Variants in OR2L5 observed in about 807,000 individuals in gnomAD.
The protein encoded by OR2L5 is olfactory receptor 2L5.
For synonymous variants in OR2L5, 169 were observed against 142.0 expected (o/e 1.19, Z -1.35); for missense variants, 413 against 381.6 (o/e 1.08, Z -0.69).
chr1:248,023,717 A>G lies in OR2L5; in HGVS notation c.*831A>G, dbSNP rs1165122915. The G allele has an allele frequency of 6.6e-6, 1 of 152,186 alleles. No individual in the cohort carries two copies. The highest frequency in any genetic ancestry group is 1.5e-5 in the Non-Finnish European group (1 of 68,036). The allele number at this position is 152,186 out of a possible 1,614,324, so 9.4% of individuals were successfully genotyped here. ...GCCTAGAAGGATCAACATTATTTTT[A>G]TAAAAGTTGTCAGCTTAGGTCCATT... is the stretch of plus-strand genomic sequence containing the variant. On this transcript the variant is annotated 3_prime_UTR_variant, in exon 2 of 2. Transcript: ENST00000355281.
At chr1:248,018,658 A>C (rs1302688622) in intron 1 of OR2L5, among the ~76,000 whole-genome samples, 1 of 152,202 alleles carries the variant, frequency 6.6e-6, no homozygotes, top group Admixed American at 6.5e-5. Context: ...TACTTAAGAT[A>C]AACTGCACCA....
In OR2L5 at chr1:248,022,523, G is replaced by A; in HGVS notation, c.576G>A (p.Trp192Ter). Reference sequence around the variant, plus strand: ...TGACATTAGCCTGTACAGACACCTGGGTCTATGAGTACACAGTGTTTTTGA... The same window carrying A: ...TGACATTAGCCTGTACAGACACCTGAGTCTATGAGTACACAGTGTTTTTGA... ...AMLTLACTDT[W>*]VYEYTVFLSS... Residue 192 changes from tryptophan (W) to a stop codon, truncating the protein, a stop_gained, in exon 2 of 2, where the codon TGG becomes TGA. Transcript: ENST00000355281. LOFTEE classifies it low-confidence loss of function (END_TRUNC). The A allele has an allele frequency of 5.0e-6, 8 of 1,614,044 alleles. No individual in the cohort carries two copies. The highest frequency in any genetic ancestry group is 6.8e-6 in the Non-Finnish European group (8 of 1,179,998).
intron 1 of OR2L5, among the ~76,000 whole-genome samples, chr1:248,019,543 C>T (rs1324368056): frequency 6.6e-6 from 1 of 152,026 alleles, no homozygotes; most frequent in East Asian, 1.9e-4. Context: ...ATTAATTTTT[C>T]TATATGGTGT....
At chr1:248,021,099 C>G (rs1195263690) in intron 1 of OR2L5, among the ~76,000 whole-genome samples, 3 of 152,050 alleles carry the variant, frequency 2.0e-5, no homozygotes, top group Non-Finnish European at 4.4e-5. Flanking sequence ...TTTAACTTTT[C>G]CATGCATTTG....
At chr1:248,021,842 A>G in intron 1 of OR2L5, 85 bp from the exon 2 acceptor site, 2 of 774,244 alleles carry the variant, frequency 2.6e-6, no homozygotes, top group Non-Finnish European at 4.3e-6. Context: ...CTGCAATTTC[A>G]GGCATTCACT....
rs996879598 is a variant in OR2L5 at position 248,024,152 on chromosome 1, C to T, written c.*1266C>T. 2.6e-5 allele frequency: 4 copies of T among 151,920 alleles called. No homozygotes were observed. Among genetic ancestry groups the T allele is most frequent in the Admixed American group, 6.6e-5 (1 of 15,228 alleles). 9.4% of individuals were successfully genotyped at this position (151,920 alleles called of 1,614,324 possible). Reference sequence around the variant, plus strand: ...TTGTGGTTTGCTGCACCAATAAACCCGTCATCTAAGTTTTAAGCCCCATAT... The same window carrying T: ...TTGTGGTTTGCTGCACCAATAAACCTGTCATCTAAGTTTTAAGCCCCATAT... On this transcript the variant is annotated 3_prime_UTR_variant, in exon 2 of 2. Coordinates refer to ENST00000355281, the MANE Select transcript of OR2L5 (RefSeq NM_001258284.2).
intron 1 of OR2L5, among the ~76,000 whole-genome samples, chr1:248,014,887 C>G (rs965149940): frequency 6.6e-6 from 1 of 152,086 alleles, no homozygotes; most frequent in African/African-American, 2.4e-5. Flanking sequence ...GGTATTAAAC[C>G]GAGTCTCTTT....
At chr1:248,015,653 C>A (rs1188946202) in intron 1 of OR2L5, among the ~76,000 whole-genome samples, 2 of 152,078 alleles carry the variant, frequency 1.3e-5, no homozygotes, top group East Asian at 3.9e-4. Context: ...GAGGAAGCAA[C>A]CTAGATTTTT....
chr1:248,022,831 A>T lies in OR2L5; in HGVS notation c.884A>T (p.Glu295Val), dbSNP rs778992821. Residue 295 changes from glutamate (E) to valine (V), a missense_variant, in exon 2 of 2, where the codon GAG becomes GTG. Physicochemically the swap from Glu to Val is moderately radical, Grantham distance 121. Transcript: ENST00000355281. ...ATCATCTACAGCCTGAGAAACAAGG[A>T]GGTGATGGGGGCCCTGACACGAGTG... ...NPIIYSLRNKEVMGALTRVIQ... is the reference protein window; with the variant it reads ...NPIIYSLRNKVVMGALTRVIQ... The T allele has an allele frequency of 1.2e-6, 2 of 1,613,440 alleles. No individual in the cohort carries two copies. Among genetic ancestry groups the T allele is most frequent in the African/African-American group, 2.7e-5 (2 of 74,900 alleles).
At chr1:248,015,072 G>T (rs12123465) in intron 1 of OR2L5, among the ~76,000 whole-genome samples, 11,981 of 152,050 alleles carry the variant, frequency 0.079, 657 homozygotes, top group Middle Eastern at 0.15. Context: ...GGACCTCAAT[G>T]GTAGGTTGTG....
intron 1 of OR2L5, among the ~76,000 whole-genome samples, chr1:248,018,120 A>G (rs138133566): frequency 0.028 from 4,214 of 149,810 alleles, 184 homozygotes; most frequent in African/African-American, 0.1. Context: ...ACACCACTGC[A>G]CTCCAGCCTA....
At chr1:248,015,548 C>T (rs1662177207) in intron 1 of OR2L5, among the ~76,000 whole-genome samples, 1 of 152,162 alleles carries the variant, frequency 6.6e-6, no homozygotes, top group South Asian at 2.1e-4. Flanking sequence ...ACCTGTTTTA[C>T]CATTTCCTAG....
rs545120151 is a variant in OR2L5 at position 248,018,086 on chromosome 1, C to T, written c.-21-3841C>T. 4.7e-5 allele frequency among the ~76,000 whole-genome samples: 7 copies of T among 148,572 alleles called. No individual in the cohort carries two copies. The South Asian group carries it at 1.3e-3, about 27-fold the overall frequency. On this transcript the variant is annotated intron_variant, in intron 1 of 1. Coordinates refer to ENST00000355281, the MANE Select transcript of OR2L5 (RefSeq NM_001258284.2). ...AGGAGAATGGCGTGAACCCGGGAGGCGGAGCTTGCAGTGAGCCGAGATCAC... is the reference window on the plus strand; with the variant it reads ...AGGAGAATGGCGTGAACCCGGGAGGTGGAGCTTGCAGTGAGCCGAGATCAC...
chr1:248,021,668 A>T (rs988594430), intron 1 of OR2L5, among the ~76,000 whole-genome samples: 15 of 152,228 alleles, frequency 9.9e-5, no homozygotes, highest in African/African-American at 3.6e-4. Context: ...AAAGAAAAAG[A>T]TAGAAACTGC....
chr1:248,016,538 T>C (rs61400447), intron 1 of OR2L5, among the ~76,000 whole-genome samples: 4,796 of 152,174 alleles, frequency 0.032, 232 homozygotes, highest in African/African-American at 0.11. Context: ...ATAAAAATCT[T>C]ATTATTTCTC....
At position 248,022,741 on chromosome 1, in the gene OR2L5, G is replaced by C. The variant is rs765074623; in HGVS notation, c.794G>C (p.Arg265Pro). Residue 265 changes from arginine (R) to proline (P), a missense_variant, in exon 2 of 2, where the codon CGA becomes CCA. By Grantham distance (103) the Arg-to-Pro change is moderately radical (BLOSUM62 -2). Transcript: ENST00000355281. ...AYTYLCPRSL[R>P]SLTEDKVLAV... ...ACCTATCTATGTCCAAGATCCCTGC[G>C]ATCTCTGACAGAGGACAAGGTTCTG... is the stretch of plus-strand genomic sequence containing the variant. 2.5e-6 allele frequency: 4 copies of C among 1,614,012 alleles called. No homozygotes were observed. In the South Asian group the frequency reaches 4.4e-5, roughly 18 times the overall value.
chr1:248,013,703 G>T lies in OR2L5; in HGVS notation c.-57G>T, dbSNP rs981146270. 1 of 152,048 alleles carries T rather than the reference G, an allele frequency of 6.6e-6. No individual in the cohort carries two copies. Among genetic ancestry groups the T allele is most frequent in the Admixed American group, 6.6e-5 (1 of 15,240 alleles). The allele number at this position is 152,048 out of a possible 1,614,324, so 9.4% of individuals were successfully genotyped here. Reference sequence around the variant, plus strand: ...TATACGACTGCTGGCAGCCAACAAAGGCAGTGCGTGTTTGAAATTGAGGAG... The same window carrying T: ...TATACGACTGCTGGCAGCCAACAAATGCAGTGCGTGTTTGAAATTGAGGAG... On this transcript the variant is annotated 5_prime_UTR_variant, in exon 1 of 2. In the 5' UTR this introduces an upstream ATG that the reference lacks. Coordinates refer to ENST00000355281, the MANE Select transcript of OR2L5 (RefSeq NM_001258284.2).
chr1:248,016,061 G>A (rs922350416), intron 1 of OR2L5, among the ~76,000 whole-genome samples: 9 of 152,224 alleles, frequency 5.9e-5, no homozygotes, highest in African/African-American at 2.2e-4. Context: ...TTATGATAAT[G>A]AGACTATCAC....
chr1:248,022,097 G>A lies in OR2L5; in HGVS notation c.150G>A (p.Leu50=). The change falls in exon 2 of 2, where the codon TTG becomes TTA. Residue 50 remains leucine (L), a synonymous_variant. Transcript: ENST00000355281. ...TATCCATGATTCTTCTCATCTTCTT[G>A]GACACCCATCTCCACACACCCATGT... ...GNLSMILLIF[L]DTHLHTPMYF... 2 of 1,613,568 alleles carry A rather than the reference G, an allele frequency of 1.2e-6. No individual in the cohort carries two copies. Among genetic ancestry groups the A allele is most frequent in the Non-Finnish European group, 8.5e-7 (1 of 1,179,794 alleles).
Sources: allele counts gnomAD v4.1 joint callset (sites outside exome capture counted in the v4.1 genomes callset), GRCh38; gene constraint gnomAD v4.1.1; transcripts MANE v1.5; gene names NCBI Gene and HGNC (gene_info 2026-07-23, HGNC 2026-07-21).